Variants in RCAN2 observed in about 807,000 individuals in gnomAD.
RCAN2 encodes calcipressin-2.
Under a neutral mutation model 23.6 loss-of-function variants are expected in RCAN2, and 9 were observed. The observed-to-expected ratio is 0.38, with a 90% confidence interval of 0.23 to 0.67. RCAN2 has a LOEUF of 0.67. Ranked by LOEUF, RCAN2 falls within the 30% of genes least tolerant of loss-of-function variation. The pLI is 0.51. For missense variants in RCAN2, 273 were observed against 302.3 expected, an observed-to-expected ratio of 0.90 and a Z score of 0.72; for synonymous variants, 109 against 115.7, an observed-to-expected ratio of 0.94 and a Z score of 0.37.
At chr6:46,279,213 G>A (rs1582058346) in intron 2 of RCAN2, among the ~76,000 whole-genome samples, 1 of 152,194 alleles carries the variant, frequency 6.6e-6, no homozygotes, top group East Asian at 1.9e-4. Context: ...AGCAAGAAGA[G>A]CTGTTGATTC....
intron 2 of RCAN2, among the ~76,000 whole-genome samples, chr6:46,376,769 G>C (rs2150391605): frequency 6.6e-6 from 1 of 151,994 alleles, no homozygotes; most frequent in African/African-American, 2.4e-5. Context: ...AAAAGGGAAA[G>C]AGGACAATGA....
intron 2 of RCAN2, among the ~76,000 whole-genome samples, chr6:46,398,334 A>G (rs900341040): frequency 6.6e-5 from 10 of 152,198 alleles, no homozygotes; most frequent in African/African-American, 2.2e-4. Context: ...CAATGTATAT[A>G]TTATAACCAA....
At chr6:46,253,752 G>T (rs998257208) in intron 2 of RCAN2, among the ~76,000 whole-genome samples, 1 of 152,036 alleles carries the variant, frequency 6.6e-6, no homozygotes, top group African/African-American at 2.4e-5. Flanking sequence ...GTCAACAATG[G>T]ACTGCATATC....
chr6:46,420,776 A>C (rs1300175825), intron 2 of RCAN2, among the ~76,000 whole-genome samples: 8 of 151,766 alleles, frequency 5.3e-5, no homozygotes, highest in Non-Finnish European at 8.8e-5. Context: ...CGAACTCTTG[A>C]CCTCAGGTAA....
intron 2 of RCAN2, among the ~76,000 whole-genome samples, chr6:46,433,053 G>A (rs1767262048): frequency 6.6e-6 from 1 of 152,024 alleles, no homozygotes; most frequent in Non-Finnish European, 1.5e-5. Context: ...ATGGCTTTGG[G>A]TGAATAACTT....
At chr6:46,253,349 T>C (rs1477834430) in intron 2 of RCAN2, among the ~76,000 whole-genome samples, 1 of 152,232 alleles carries the variant, frequency 6.6e-6, no homozygotes, top group African/African-American at 2.4e-5. Context: ...ATTTCATTCA[T>C]TTTTGAGAAA....
chr6:46,385,902 C>T (rs1423907546), intron 2 of RCAN2, among the ~76,000 whole-genome samples: 13 of 141,254 alleles, frequency 9.2e-5, no homozygotes, highest in Admixed American at 9.1e-4. Flanking sequence ...ATATAAAACC[C>T]AAAACCATAA....
intron 2 of RCAN2, among the ~76,000 whole-genome samples, chr6:46,378,142 G>A (rs1324244411): frequency 6.6e-6 from 1 of 152,214 alleles, no homozygotes; most frequent in Non-Finnish European, 1.5e-5. Context: ...CGTGGTGCCA[G>A]TTCAGGGAGG....
intron 2 of RCAN2, among the ~76,000 whole-genome samples, chr6:46,322,068 G>C (rs1397932704): frequency 6.6e-6 from 1 of 152,108 alleles, no homozygotes; most frequent in Admixed American, 6.5e-5. Flanking sequence ...AGATCTCCAG[G>C]GGACACCGAT....
chr6:46,441,577 G>T (rs1302640213), intron 2 of RCAN2, among the ~76,000 whole-genome samples: 1 of 152,188 alleles, frequency 6.6e-6, no homozygotes, highest in Non-Finnish European at 1.5e-5. Flanking sequence ...AACAAAGTAT[G>T]AGGCATGATA....
At chr6:46,372,080 C>G (rs929928585) in intron 2 of RCAN2, among the ~76,000 whole-genome samples, 3 of 152,118 alleles carry the variant, frequency 2.0e-5, no homozygotes, top group Non-Finnish European at 4.4e-5. Flanking sequence ...GACTCTAATT[C>G]AAAATTAATT....
chr6:46,339,099 C>T (rs1246042797), intron 2 of RCAN2, among the ~76,000 whole-genome samples: 1 of 149,826 alleles, frequency 6.7e-6, no homozygotes, highest in African/African-American at 2.4e-5. Context: ...ATCCATCCAC[C>T]ACCCACCCAT....
At chr6:46,398,186 A>G (rs1338790257) in intron 2 of RCAN2, among the ~76,000 whole-genome samples, 3 of 152,206 alleles carry the variant, frequency 2.0e-5, no homozygotes, top group Non-Finnish European at 4.4e-5. Flanking sequence ...TAGGGAAAGA[A>G]CAGATATTTA....
In RCAN2 at chr6:46,456,942, C is replaced by A; in HGVS notation, c.35G>T (p.Ser12Ile). 6.4e-7 allele frequency: 1 copy of A among 1,550,864 alleles called. No homozygotes were observed. The highest frequency in any genetic ancestry group is 8.7e-7 in the Non-Finnish European group (1 of 1,147,014). Residue 12 changes from serine to isoleucine, a missense_variant, in exon 2 of 5, where the codon AGC (serine) becomes ATC (isoleucine). By Grantham distance (142) the Ser-to-Ile change is moderately radical (BLOSUM62 -2). Coordinates refer to ENST00000371374, the MANE Select transcript of RCAN2 (RefSeq NM_001251974.2). ...AGGGACGTGTCCCTGCTGCCCTGGG[C>A]TCCTCATTCCGATGAAGTATGATTC... ...RGESYFIGMR[S>I]PGQQGHVPED...
intron 2 of RCAN2, among the ~76,000 whole-genome samples, chr6:46,363,371 TG>T (rs563705441): frequency 0.011 from 1,665 of 152,286 alleles, 16 homozygotes; most frequent in Non-Finnish European, 0.018. Context: ...TTGGGGACTT[TG>T]GAAAGAGACA....
At chr6:46,271,600 C>T (rs1561837202) in intron 2 of RCAN2, among the ~76,000 whole-genome samples, 1 of 152,204 alleles carries the variant, frequency 6.6e-6, no homozygotes. Flanking sequence ...AATCCCACCA[C>T]ATTTCCATCC....
At chr6:46,311,300 A>G (rs967129126) in intron 2 of RCAN2, among the ~76,000 whole-genome samples, 6 of 152,208 alleles carry the variant, frequency 3.9e-5, no homozygotes, top group African/African-American at 1.4e-4. Context: ...TGTTGCATCT[A>G]AAAGGGTTGG....
At chr6:46,489,007 A>G (rs1769067443) in intron 1 of RCAN2, among the ~76,000 whole-genome samples, 2 of 152,226 alleles carry the variant, frequency 1.3e-5, no homozygotes, top group Admixed American at 1.3e-4. Flanking sequence ...CCTACCATTA[A>G]GGGCCACATG....
chr6:46,289,252 C>A (rs1762465310), intron 2 of RCAN2, among the ~76,000 whole-genome samples: 2 of 152,190 alleles, frequency 1.3e-5, no homozygotes, highest in South Asian at 4.1e-4. Context: ...TCCCCCCAGG[C>A]CTGGGTCTCT....
Sources: allele counts gnomAD v4.1 joint callset (sites outside exome capture counted in the v4.1 genomes callset), GRCh38; gene constraint gnomAD v4.1.1; transcripts MANE v1.5; gene names NCBI Gene and HGNC (gene_info 2026-07-23, HGNC 2026-07-21).